LRIG1: variants seen among roughly 807,000 people sequenced by gnomAD.
LRIG1 encodes the protein leucine rich repeats and immunoglobulin like domains 1.
A neutral mutation model predicts 99.2 loss-of-function variants in LRIG1; 48 were observed. That is an observed-to-expected ratio of 0.48 (90% CI 0.38 to 0.62). The LOEUF (loss-of-function observed/expected upper bound fraction) is 0.62, where lower values mean the gene tolerates loss of function less well. Ranked by LOEUF, LRIG1 falls within the 20% of genes least tolerant of loss-of-function variation. The pLI is 0.00. For synonymous variants in LRIG1, 772 were observed against 596.1 expected (o/e 1.29, Z -4.30); for missense variants, 1,646 against 1,434.4 (o/e 1.15, Z -2.38).
In LRIG1 at chr3:66,382,415, C is replaced by T. The variant is rs1363182865; in HGVS notation, c.2492-17G>A. The T allele has an allele frequency of 3.1e-6, 5 of 1,613,996 alleles. No individual in the cohort carries two copies. The highest frequency in any genetic ancestry group is 4.2e-6 in the Non-Finnish European group (5 of 1,179,974). The stretch of plus-strand genomic sequence containing the variant: ...CGGTTTCATCTGCAAGGAGACAGAA[C>T]AAATAGAACACCAGGGTCTCAGTGA... On this transcript the variant is annotated splice_polypyrimidine_tract_variant and intron_variant, in intron 15 of 18. Transcript: ENST00000273261.
intron 5 of LRIG1, among the ~76,000 whole-genome samples, chr3:66,413,231 G>A (rs190126599): frequency 6.6e-6 from 1 of 152,326 alleles, no homozygotes; most frequent in African/African-American, 2.4e-5. Context: ...GGCAAGAGGG[G>A]TGAGTGAGGC....
At chr3:66,413,196 C>T (rs1702524931) in intron 5 of LRIG1, among the ~76,000 whole-genome samples, 182 bp from the exon 6 acceptor site, 1 of 152,218 alleles carries the variant, frequency 6.6e-6, no homozygotes, top group African/African-American at 2.4e-5. Flanking sequence ...GGCACTGATG[C>T]TGCCACCTGA....
intron 3 of LRIG1, among the ~76,000 whole-genome samples, chr3:66,419,868 A>G (rs1702747580): frequency 1.3e-5 from 2 of 152,148 alleles, no homozygotes; most frequent in African/African-American, 2.4e-5. Flanking sequence ...AGGGGCATCA[A>G]TAATGATTCA....
chr3:66,448,347 G>C (rs1213213135), intron 3 of LRIG1, among the ~76,000 whole-genome samples: 1 of 152,156 alleles, frequency 6.6e-6, no homozygotes, highest in Non-Finnish European at 1.5e-5. Flanking sequence ...ATGAAACACA[G>C]AGAGAAAGGG....
At chr3:66,381,136 C>G (rs1294716861) in intron 17 of LRIG1, among the ~76,000 whole-genome samples, 2 of 152,180 alleles carry the variant, frequency 1.3e-5, no homozygotes, top group Non-Finnish European at 2.9e-5. Context: ...GCCTTAGGTA[C>G]CATGCAGTGT....
intron 14 of LRIG1, 32 bp from the exon 15 acceptor site, chr3:66,383,433 C>G (rs1332262103): frequency 6.6e-7 from 1 of 1,510,968 alleles, no homozygotes; most frequent in Non-Finnish European, 8.9e-7. Flanking sequence ...CTTAGTCATT[C>G]TCAGGGCCTC....
chr3:66,432,123 T>G (rs1703191836), intron 3 of LRIG1, among the ~76,000 whole-genome samples: 1 of 151,786 alleles, frequency 6.6e-6, no homozygotes, highest in African/African-American at 2.4e-5. Flanking sequence ...CTGTGTAGGG[T>G]TGGTACAGCC....
intron 1 of LRIG1, chr3:66,498,375 G>A (rs1701275318): frequency 6.6e-6 from 1 of 152,010 alleles, no homozygotes; most frequent in Admixed American, 6.5e-5. Flanking sequence ...AAAATTAAAG[G>A]GCAAGGCAAA....
rs776044346 is a variant in LRIG1, at chr3:66,412,882, C to T, written c.780G>A (p.Lys260=). ...TGGTCCGCACTTACAGCACATGCAT[C>T]TTGGACAGTCCCCAGAAGGCCCCAT... The part of the protein sequence containing the change: ...LTDGAFWGLS[K]MHVLHLEYNS... The change falls in exon 6 of 19, where the codon AAG becomes AAA. Residue 260 remains lysine, a synonymous_variant. Transcript: ENST00000273261. 2.5e-5 allele frequency: 40 copies of T among 1,614,050 alleles called. No individual in the cohort carries two copies. In the Middle Eastern group the frequency reaches 6.6e-4, roughly 27 times the overall value.
At chr3:66,448,663 C>T (rs900190729) in intron 3 of LRIG1, among the ~76,000 whole-genome samples, 1 of 152,194 alleles carries the variant, frequency 6.6e-6, no homozygotes, top group Non-Finnish European at 1.5e-5. Context: ...TTCTGTGATG[C>T]ATCTACCTAT....
At chr3:66,453,127 T>C (rs1314349015) in intron 2 of LRIG1, among the ~76,000 whole-genome samples, 1 of 152,238 alleles carries the variant, frequency 6.6e-6, no homozygotes, top group East Asian at 1.9e-4. Flanking sequence ...AAATTTTTCA[T>C]AGTACCCATC....
chr3:66,459,558 C>G (rs1310500958), intron 2 of LRIG1, among the ~76,000 whole-genome samples: 1 of 152,212 alleles, frequency 6.6e-6, no homozygotes, highest in African/African-American at 2.4e-5. Context: ...TTTCCGTTAT[C>G]AAGCCTCCAA....
At chr3:66,415,093 G>A (rs548831199) in intron 4 of LRIG1, 30 bp from the exon 5 acceptor site, 2 of 1,573,188 alleles carry the variant, frequency 1.3e-6, no homozygotes, top group African/African-American at 1.4e-5. Flanking sequence ...AAAATGTGGT[G>A]GTTGGTCAAA....
intron 9 of LRIG1, chr3:66,404,403 G>C (rs531220669): frequency 2.4e-6 from 3 of 1,241,392 alleles, no homozygotes; most frequent in East Asian, 1.1e-4. Context: ...CTAGTAAACA[G>C]TAATAATGAC....
At chr3:66,429,422 G>A (rs1703084779) in intron 3 of LRIG1, among the ~76,000 whole-genome samples, 1 of 152,216 alleles carries the variant, frequency 6.6e-6, no homozygotes, top group Non-Finnish European at 1.5e-5. Context: ...AAGAGCAGCA[G>A]CAAAACTCCT....
At chr3:66,384,662 C>T (rs1439693024) in intron 13 of LRIG1, among the ~76,000 whole-genome samples, 1 of 151,944 alleles carries the variant, frequency 6.6e-6, no homozygotes, top group Non-Finnish European at 1.5e-5. Flanking sequence ...GTGGGCATGC[C>T]TCCACCTTGG....
At chr3:66,394,240 C>T in intron 11 of LRIG1, 37 bp from the exon 12 acceptor site, 2 of 1,527,584 alleles carry the variant, frequency 1.3e-6, no homozygotes, top group East Asian at 2.3e-5. Context: ...TCAGGTGCAG[C>T]CGCAAAGGAG....
In LRIG1 at chr3:66,379,313, C is replaced by CCTGAAAAGTCAGAACTTCCT. The variant is rs1335917591; in HGVS notation, c.*930_*949dup. 6.6e-6 allele frequency: 1 copy of CCTGAAAAGTCAGAACTTCCT among 152,412 alleles called. No homozygotes were observed. The highest frequency in any genetic ancestry group is 6.5e-5 in the Admixed American group (1 of 15,268). 9.4% of individuals were successfully genotyped at this position (152,412 alleles called of 1,614,324 possible). A position where few individuals can be genotyped will look rare whatever the true frequency, so the allele number is the denominator to read the frequency against. On this transcript the variant is annotated 3_prime_UTR_variant, in exon 19 of 19. Transcript: ENST00000273261. The stretch of plus-strand genomic sequence containing the variant: ...GGGTCCTTAGTAGAAATAAGGTAGC[C>CCTGAAAAGTCAGAACTTCCT]CTGAAAAGTCAGAACTTCCTCCTTT...
intron 13 of LRIG1, among the ~76,000 whole-genome samples, chr3:66,385,037 C>T (rs952691009): frequency 6.6e-6 from 1 of 152,152 alleles, no homozygotes; most frequent in Non-Finnish European, 1.5e-5. Flanking sequence ...AGCAGATCCA[C>T]CATTCTGATG....
Sources: gnomAD v4.1 joint callset for allele counts (sites outside exome capture counted in the v4.1 genomes callset) on GRCh38, gnomAD v4.1.1 for gene constraint, MANE v1.5 for transcripts, NCBI Gene and HGNC (gene_info 2026-07-23, HGNC 2026-07-21) for gene names.